Variants in KDM4A observed in about 807,000 individuals in gnomAD.
KDM4A encodes the protein lysine-specific demethylase 4A.
Under a neutral mutation model 127.1 loss-of-function variants are expected in KDM4A, and 23 were observed. The ratio of observed to expected loss-of-function variants is 0.18; its 90% CI spans 0.13 to 0.26. The LOEUF (loss-of-function observed/expected upper bound fraction) is 0.26, where lower values mean the gene tolerates loss of function less well. KDM4A is among the 10% of genes least tolerant of loss of function. The pLI, the probability that KDM4A is intolerant of heterozygous loss-of-function variation, is 1.00. For synonymous variants in KDM4A, 443 were observed against 466.5 expected (o/e 0.95, Z 0.65); for missense variants, 890 against 1,329.1 (o/e 0.67, Z 5.14).
chr1:43,666,317 A>G (rs375614053), intron 6 of KDM4A, 135 bp from the exon 7 acceptor site: 5 of 681,482 alleles, frequency 7.3e-6, no homozygotes, highest in Non-Finnish European at 1.3e-5. Flanking sequence ...GTGCGGAGCT[A>G]TAAGGATCCT....
rs978322044 is a variant in KDM4A, at chr1:43,704,497, C to G, written c.*127C>G. ...GTAAAAAGAAAAGGAATGAAATAAC[C>G]GACCCATCATCTTCTCACCCACCCT... On this transcript the variant is annotated 3_prime_UTR_variant, in exon 22 of 22. Coordinates refer to ENST00000372396, the MANE Select transcript of KDM4A (RefSeq NM_014663.3). 2.1e-5 allele frequency: 22 copies of G among 1,045,632 alleles called. No homozygotes were observed. Among genetic ancestry groups the G allele is most frequent in the Middle Eastern group, 2.9e-4 (1 of 3,404 alleles). The allele number at this position is 1,045,632 out of a possible 1,614,324, so 64.8% of individuals were successfully genotyped here.
At chr1:43,697,058 G>A (rs536648668) in intron 18 of KDM4A, among the ~76,000 whole-genome samples, 1 of 152,358 alleles carries the variant, frequency 6.6e-6, no homozygotes, top group South Asian at 2.1e-4. Context: ...AGTAAGGAAT[G>A]ACATCAATAA....
chr1:43,655,603 A>G lies in KDM4A; in HGVS notation c.151A>G (p.Lys51Glu). The G allele has an allele frequency of 6.2e-7, 1 of 1,608,922 alleles. No homozygotes were observed. The highest frequency in any genetic ancestry group is 1.3e-5 in the African/African-American group (1 of 74,800). ...GTGTTCCCTTCAGGTTGTTCCTCCA[A>G]AAGAGTGGAAGCCACGAGCATCCTA... is the stretch of plus-strand genomic sequence containing the variant. The part of the protein sequence containing the change: ...RAGLAKVVPP[K>E]EWKPRASYDD... Residue 51 changes from lysine to glutamate, a missense_variant, in exon 3 of 22, where the codon AAA (lysine) becomes GAA (glutamate). Lys to Glu is a moderately conservative substitution (Grantham distance 56, BLOSUM62 1). Transcript: ENST00000372396.
At position 43,694,291 on chromosome 1, in the gene KDM4A, T is replaced by C. The variant is rs540495468; in HGVS notation, c.2484+189T>C. Among the ~76,000 whole-genome samples, 4 of 152,124 alleles carry C rather than the reference T, an allele frequency of 2.6e-5. No individual in the cohort carries two copies. The East Asian group carries it at 7.8e-4, about 29-fold the overall frequency. ...CAGCCCTTTGTGGGGCCGAGGTGGG[T>C]GAACCACTTGAGGTCAGGAGTTCAA... On this transcript the variant is annotated intron_variant, in intron 17 of 21. Transcript: ENST00000372396. This position sits in a 1 kb window ranked among gnomAD's most constrained non-coding sequence, Gnocchi z 5.2.
intron 4 of KDM4A, among the ~76,000 whole-genome samples, chr1:43,662,583 A>C (rs936510475): frequency 1.3e-5 from 2 of 152,190 alleles, no homozygotes; most frequent in Non-Finnish European, 2.9e-5. Flanking sequence ...CTCCAGCCTG[A>C]GCAACAGAGC....
intron 8 of KDM4A, among the ~76,000 whole-genome samples, chr1:43,667,443 C>T (rs1005220422): frequency 2.0e-5 from 3 of 152,140 alleles, no homozygotes; most frequent in Non-Finnish European, 4.4e-5. Flanking sequence ...AGTAGACTTG[C>T]TTGTGTGTTC....
intron 19 of KDM4A, chr1:43,702,361 T>C (rs1270027669): frequency 3.3e-5 from 5 of 152,232 alleles, no homozygotes; most frequent in African/African-American, 1.2e-4. Flanking sequence ...GCCTAATTGT[T>C]AGATTGATAC....
At chr1:43,697,747 C>T in intron 18 of KDM4A, 96 bp from the exon 19 acceptor site, 1 of 1,197,266 alleles carries the variant, frequency 8.4e-7, no homozygotes, top group Non-Finnish European at 1.2e-6. Context: ...CCATGCTTAT[C>T]TTTCCCTGAT....
chr1:43,661,974 A>C (rs887845371), intron 4 of KDM4A, among the ~76,000 whole-genome samples: 1 of 152,158 alleles, frequency 6.6e-6, no homozygotes, highest in African/African-American at 2.4e-5. Flanking sequence ...AGATTACTGT[A>C]ACCTCAAACA....
chr1:43,675,275 G>A (rs1207306270), intron 11 of KDM4A, among the ~76,000 whole-genome samples: 5 of 152,194 alleles, frequency 3.3e-5, no homozygotes, highest in Non-Finnish European at 5.9e-5. Context: ...TTTATGGCAT[G>A]CCTACTCTAG....
chr1:43,681,664 C>T (rs1184284472), intron 11 of KDM4A, among the ~76,000 whole-genome samples: 1 of 152,174 alleles, frequency 6.6e-6, no homozygotes, highest in African/African-American at 2.4e-5. Context: ...TAGTCTGCCA[C>T]AGCCCACAGG....
intron 11 of KDM4A, among the ~76,000 whole-genome samples, chr1:43,673,793 C>T (rs575392384): frequency 6.6e-6 from 1 of 152,122 alleles, no homozygotes; most frequent in Non-Finnish European, 1.5e-5. Context: ...GCAGAGGCCC[C>T]GGGCCATTTC....
At chr1:43,655,894 C>G in intron 3 of KDM4A, 128 bp downstream of exon 3, 2 of 644,756 alleles carry the variant, frequency 3.1e-6, no homozygotes, top group Non-Finnish European at 4.8e-6. Context: ...TTCTAGCTGT[C>G]TCCCTTTCTG....
In KDM4A at chr1:43,663,084, C is replaced by T; in HGVS notation, c.620C>T (p.Ser207Phe). 1 of 1,611,748 alleles carries T rather than the reference C, an allele frequency of 6.2e-7. No individual in the cohort carries two copies. The highest frequency in any genetic ancestry group is 1.3e-5 in the African/African-American group (1 of 74,998). The change falls in exon 5 of 22, where the codon TCC (serine) becomes TTC (phenylalanine). Residue 207 changes from serine (S) to phenylalanine (F), a missense_variant. Physicochemically the swap from Ser to Phe is radical, Grantham distance 155 (BLOSUM62 -2). Around this residue, in one of 7 missense-constraint regions of KDM4A, gnomAD observed 141 missense variants for 273.5 expected, o/e 0.52. Coordinates refer to ENST00000372396, the MANE Select transcript of KDM4A (RefSeq NM_014663.3). ...INYLHFGEPK[S>F]WYSVPPEHGK... ...TACCTGCACTTTGGAGAACCAAAGT[C>T]CTGGTACAGTCTGCCTGCAGTCGGC...
chr1:43,657,875 C>G (rs1485673473), intron 3 of KDM4A, among the ~76,000 whole-genome samples: 2 of 150,350 alleles, frequency 1.3e-5, no homozygotes, highest in Non-Finnish European at 3.0e-5. Flanking sequence ...CTCGGCCTCC[C>G]GAGTAGCTGG....
Position 43,669,042 on chromosome 1 carries a change from T to A in KDM4A, c.1164-58T>A, listed in dbSNP as rs140273364. The A allele has an allele frequency of 4.0e-3, 6,227 of 1,567,566 alleles. 16 individuals are homozygous for A. The highest frequency in any genetic ancestry group is 0.012 in the Middle Eastern group (70 of 5,912). On this transcript the variant is annotated intron_variant, in intron 9 of 21. Transcript: ENST00000372396. ...GGTTGTGTGTGGATGTGTATGAATG[T>A]GTTTGAGTAAGTGGATGTATATGTG...
intron 11 of KDM4A, among the ~76,000 whole-genome samples, chr1:43,674,397 C>T (rs1250104328): frequency 6.6e-6 from 1 of 152,112 alleles, no homozygotes; most frequent in African/African-American, 2.4e-5. Flanking sequence ...CCTCTCAATT[C>T]GGAACTATTT....
At chr1:43,659,502 A>G (rs538337662) in intron 3 of KDM4A, among the ~76,000 whole-genome samples, 1 of 152,212 alleles carries the variant, frequency 6.6e-6, no homozygotes, top group Admixed American at 6.5e-5. Flanking sequence ...TATTTTTAGT[A>G]GAGACCAGGT....
intron 2 of KDM4A, among the ~76,000 whole-genome samples, chr1:43,654,389 T>C (rs1478854544): frequency 1.3e-5 from 2 of 152,212 alleles, no homozygotes; most frequent in Non-Finnish European, 2.9e-5. Flanking sequence ...ATAGTGTTAT[T>C]TGTTTTGTTT....
Sources: gnomAD v4.1 joint callset for allele counts (sites outside exome capture counted in the v4.1 genomes callset) on GRCh38, gnomAD v4.1.1 for gene constraint, gnomAD v4.1.1 regional missense constraint, Gnocchi (gnomAD v3.1) non-coding constraint, MANE v1.5 for transcripts, NCBI Gene and HGNC (gene_info 2026-07-23, HGNC 2026-07-21) for gene names.